GLIS1: variants seen among roughly 807,000 people sequenced by gnomAD.
The protein encoded by GLIS1 is zinc finger protein GLIS1.
A neutral mutation model predicts 63.8 loss-of-function variants in GLIS1; 24 were observed. That is an observed-to-expected ratio of 0.38 (90% CI 0.27 to 0.53). The LOEUF is 0.53. GLIS1 is among the 20% of genes least tolerant of loss of function. The pLI is 0.85. For missense variants in GLIS1, 1,036 were observed against 1,074.1 expected (o/e 0.96, Z 0.50); for synonymous variants, 450 against 482.5 (o/e 0.93, Z 0.88).
chr1:53,734,567 T>C (rs1646895002), intron 2 of GLIS1, among the ~76,000 whole-genome samples: 1 of 152,174 alleles, frequency 6.6e-6, no homozygotes, highest in Non-Finnish European at 1.5e-5. Flanking sequence ...AATGTCTGCA[T>C]CTATAAAATG....
At chr1:53,597,814 C>T (rs183867690) in intron 3 of GLIS1, among the ~76,000 whole-genome samples, 2 of 152,152 alleles carry the variant, frequency 1.3e-5, no homozygotes, top group South Asian at 2.1e-4. Context: ...TAGACTGATG[C>T]CGGCGTAGAA....
At chr1:53,676,987 T>C (rs1381373263) in intron 2 of GLIS1, among the ~76,000 whole-genome samples, 2 of 152,190 alleles carry the variant, frequency 1.3e-5, no homozygotes, top group East Asian at 1.9e-4. Flanking sequence ...AAAACCAGAA[T>C]GTAACACAGG....
In GLIS1 at chr1:53,677,046, C is replaced by T. The variant is rs574781368; in HGVS notation, c.259+60760G>A. Reference sequence around the variant, plus strand: ...ATACACGGAGCCCCTAGCTGAGCAACGCAAACAGCAGGTACCGCACAAGCC... The same window carrying T: ...ATACACGGAGCCCCTAGCTGAGCAATGCAAACAGCAGGTACCGCACAAGCC... On this transcript the variant is annotated intron_variant, in intron 2 of 10. Coordinates refer to ENST00000628545, the MANE Select transcript of GLIS1 (RefSeq NM_001367484.1). 4.5e-4 allele frequency among the ~76,000 whole-genome samples: 68 copies of T among 152,280 alleles called. 1 individual carries two copies. In the South Asian group the frequency reaches 0.013, roughly 30 times the overall value.
intron 2 of GLIS1, among the ~76,000 whole-genome samples, chr1:53,647,018 G>T (rs1645854182): frequency 6.6e-6 from 1 of 151,970 alleles, no homozygotes; most frequent in South Asian, 2.1e-4. Context: ...TGAAGGAAAA[G>T]AAAATTGAGA....
At chr1:53,701,210 C>T (rs924853036) in intron 2 of GLIS1, among the ~76,000 whole-genome samples, 1 of 152,160 alleles carries the variant, frequency 6.6e-6, no homozygotes, top group African/African-American at 2.4e-5. Flanking sequence ...GACTATTTTC[C>T]CCAGCAAAAG....
chr1:53,695,574 C>T (rs1050408247), intron 2 of GLIS1, among the ~76,000 whole-genome samples: 7 of 152,172 alleles, frequency 4.6e-5, no homozygotes, highest in East Asian at 1.9e-4. Context: ...TCCAGCACAG[C>T]GGAGGGCTCA....
At chr1:53,512,512 C>G (rs910933967) in intron 8 of GLIS1, among the ~76,000 whole-genome samples, 1 of 152,144 alleles carries the variant, frequency 6.6e-6, no homozygotes, top group East Asian at 1.9e-4. Flanking sequence ...TGGGGAGCCA[C>G]GAGTGGCCGT....
intron 2 of GLIS1, among the ~76,000 whole-genome samples, chr1:53,662,800 T>C (rs1231764259): frequency 6.6e-6 from 1 of 152,114 alleles, no homozygotes; most frequent in African/African-American, 2.4e-5. Flanking sequence ...CAGTCACCCA[T>C]AATAGTGACA....
At chr1:53,524,949 GCGTGACCTGCTGTGGGGAGGTGAC>G in intron 5 of GLIS1, 62 bp from the exon 6 acceptor site, 1 of 1,246,848 alleles carries the variant, frequency 8.0e-7, no homozygotes. Flanking sequence ...ACGCGCCTCC[GCGTGACCTGCTGTGGGGAGGTGAC>G]CAGGCGAGAG....
rs371435067 is a variant in GLIS1, at chr1:53,614,297, A to T, written c.260-14019T>A. On this transcript the variant is annotated intron_variant, in intron 2 of 10. Coordinates refer to ENST00000628545, the MANE Select transcript of GLIS1 (RefSeq NM_001367484.1). ...GAAAACAAGAAGTTAGAAAGTAAAG[A>T]GAGACAGGACAGTCAGAGAAGGTGT... is the stretch of plus-strand genomic sequence containing the variant. 7.2e-5 allele frequency among the ~76,000 whole-genome samples: 11 copies of T among 152,220 alleles called. No homozygotes were observed. In the East Asian group the frequency reaches 1.3e-3, roughly 19 times the overall value.
intron 4 of GLIS1, among the ~76,000 whole-genome samples, chr1:53,593,886 C>A (rs929482825): frequency 2.6e-5 from 4 of 152,220 alleles, no homozygotes; most frequent in Admixed American, 6.5e-5. Flanking sequence ...GGACTGGGCA[C>A]CTAGTGAGTA....
At chr1:53,706,240 T>A (rs763155420) in intron 2 of GLIS1, among the ~76,000 whole-genome samples, 25 of 152,088 alleles carry the variant, frequency 1.6e-4, no homozygotes, top group Non-Finnish European at 2.9e-4. Context: ...CAAACTGCAG[T>A]CAACATTCTT....
At chr1:53,606,845 C>A (rs186006214) in intron 2 of GLIS1, among the ~76,000 whole-genome samples, 123 of 152,370 alleles carry the variant, frequency 8.1e-4, no homozygotes, top group African/African-American at 2.8e-3. Context: ...TGCAAGAATC[C>A]CATAAATTCC....
In GLIS1 at chr1:53,506,752, G is replaced by A; in HGVS notation, c.2255C>T (p.Ser752Leu). ...CTGCTGTGGCAGCGCTGTGGGGCATGAGGCCTCAGCCAGGGCCTCATAGCC... is the reference window on the plus strand; with the variant it reads ...CTGCTGTGGCAGCGCTGTGGGGCATAAGGCCTCAGCCAGGGCCTCATAGCC... ...ATGYEALAEA[S>L]CPTALPQQPS... Residue 752 changes from serine to leucine, a missense_variant, in exon 11 of 11, where the codon TCA becomes TTA. Physicochemically the swap from Ser to Leu is moderately radical, Grantham distance 145. Transcript: ENST00000628545. The A allele has an allele frequency of 6.2e-7, 1 of 1,611,980 alleles. No homozygotes were observed. Among genetic ancestry groups the A allele is most frequent in the South Asian group, 1.1e-5 (1 of 91,080 alleles).
At chr1:53,543,441 G>A (rs1644664978) in intron 4 of GLIS1, among the ~76,000 whole-genome samples, 1 of 152,200 alleles carries the variant, frequency 6.6e-6, no homozygotes, top group East Asian at 1.9e-4. Context: ...TGAGCCCAGG[G>A]CCCCTGAGGA....
intron 4 of GLIS1, among the ~76,000 whole-genome samples, chr1:53,540,393 ACT>A (rs1644631032): frequency 6.6e-6 from 1 of 151,328 alleles, no homozygotes; most frequent in African/African-American, 2.4e-5. Flanking sequence ...CTGCAAACAA[ACT>A]CGCCCCACGG....
chr1:53,584,382 G>C (rs1232071602), intron 4 of GLIS1, among the ~76,000 whole-genome samples: 1 of 152,186 alleles, frequency 6.6e-6, no homozygotes, highest in South Asian at 2.1e-4. Flanking sequence ...ACCTTCACGT[G>C]TGCTGTTTCC....
At chr1:53,513,846 G>A (rs1291884669) in intron 8 of GLIS1, among the ~76,000 whole-genome samples, 3 of 152,240 alleles carry the variant, frequency 2.0e-5, no homozygotes, top group South Asian at 2.1e-4. Flanking sequence ...GGCCCCAGGC[G>A]CAGGCAGGCC....
chr1:53,608,870 C>T (rs1457027514), intron 2 of GLIS1, among the ~76,000 whole-genome samples: 1 of 152,132 alleles, frequency 6.6e-6, no homozygotes, highest in Non-Finnish European at 1.5e-5. Flanking sequence ...TAGACAGATT[C>T]CTGGCAGTTC....
Sources: allele counts gnomAD v4.1 joint callset (sites outside exome capture counted in the v4.1 genomes callset), GRCh38; gene constraint gnomAD v4.1.1; transcripts MANE v1.5; gene names NCBI Gene and HGNC (gene_info 2026-07-23, HGNC 2026-07-21).